BAHD1: variants seen among roughly 807,000 people sequenced by gnomAD.
BAHD1 encodes the protein bromo adjacent homology domain-containing 1 protein.
A neutral mutation model predicts 63.1 loss-of-function variants in BAHD1; 20 were observed. The observed-to-expected ratio is 0.32, with a 90% CI of 0.22 to 0.46. The LOEUF (loss-of-function observed/expected upper bound fraction) is 0.46, where lower values mean the gene tolerates loss of function less well. Ranked by LOEUF, BAHD1 falls within the 20% of genes least tolerant of loss-of-function variation. The pLI is 1.00. For missense variants in BAHD1, 939 were observed against 1,071.8 expected, an observed-to-expected ratio of 0.88 and a Z score of 1.73; for synonymous variants, 408 against 426.8, an observed-to-expected ratio of 0.96 and a Z score of 0.54.
chr15:40,439,265 C>T (rs949218304), upstream of BAHD1, among the ~76,000 whole-genome samples: 2 of 152,228 alleles, frequency 1.3e-5, no homozygotes, highest in Admixed American at 1.3e-4. Context: ...ACTTTCCCTG[C>T]TGAGGGGGCC....
At position 40,462,124 on chromosome 15, in the gene BAHD1, C is replaced by T. The variant is rs1362755556; in HGVS notation, c.1645C>T (p.Leu549=). 1 of 1,612,798 alleles carries T rather than the reference C, an allele frequency of 6.2e-7. No homozygotes were observed. Among genetic ancestry groups the T allele is most frequent in the Non-Finnish European group, 8.5e-7 (1 of 1,180,006 alleles). ...AKPPSGSKSG[L]RTGSSCRHTA... is the part of the protein sequence containing the mutation. The stretch of plus-strand genomic sequence containing the variant: ...ACCTCCCAGCGGTTCTAAGTCAGGT[C>T]TGCGCACAGGCTCCAGCTGCAGGCA... The change falls in exon 3 of 7, where the codon CTG becomes TTG. Residue 549 remains leucine, a synonymous_variant. Coordinates refer to ENST00000416165, the MANE Select transcript of BAHD1 (RefSeq NM_014952.5).
At chr15:40,443,423 T>C (rs1566957690) in intron 1 of BAHD1, 1 of 596,252 alleles carries the variant, frequency 1.7e-6, no homozygotes, top group Non-Finnish European at 2.1e-6. Context: ...AAGGCCTTTG[T>C]GCCTTCTGTG....
rs1448758515 is a variant in BAHD1 at position 40,466,341 on chromosome 15, C to G, written c.*211C>G. 2 of 469,328 alleles carry G rather than the reference C, an allele frequency of 4.3e-6. No individual in the cohort carries two copies. The highest frequency in any genetic ancestry group is 3.8e-5 in the Admixed American group (1 of 26,034). 29.1% of individuals were successfully genotyped at this position (469,328 alleles called of 1,614,324 possible). A position where few individuals can be genotyped will look rare whatever the true frequency, so the allele number is the denominator to read the frequency against. ...AGGGTATAAGAAAAGCATCAGAACT[C>G]TCAGCTTGGCCCAAGGTACCTTCTG... On this transcript the variant is annotated 3_prime_UTR_variant, in exon 7 of 7. Transcript: ENST00000416165.
At chr15:40,442,478 G>A (rs1321555418) in intron 1 of BAHD1, among the ~76,000 whole-genome samples, 4 of 152,190 alleles carry the variant, frequency 2.6e-5, no homozygotes, top group African/African-American at 9.7e-5. Flanking sequence ...TACTCACCGA[G>A]GCGACAGACC....
upstream of BAHD1, among the ~76,000 whole-genome samples, chr15:40,439,284 A>G: frequency 6.6e-6 from 1 of 152,042 alleles, no homozygotes; most frequent in South Asian, 2.1e-4. Flanking sequence ...CCCCTCCTTT[A>G]AGTGTGTCCC....
chr15:40,440,925 G>A (rs1037434871), upstream of BAHD1, among the ~76,000 whole-genome samples: 1 of 152,104 alleles, frequency 6.6e-6, no homozygotes, highest in African/African-American at 2.4e-5. Context: ...GAAGCAGGAA[G>A]GAGGGCGGCG....
At chr15:40,460,188 T>C (rs1311596325) in intron 2 of BAHD1, among the ~76,000 whole-genome samples, 1 of 152,232 alleles carries the variant, frequency 6.6e-6, no homozygotes, top group Non-Finnish European at 1.5e-5. Flanking sequence ...AAGGCCTCTC[T>C]TCTCTCCTCA....
upstream of BAHD1, among the ~76,000 whole-genome samples, chr15:40,438,219 A>T (rs1363901773): frequency 6.6e-6 from 1 of 152,130 alleles, no homozygotes; most frequent in Non-Finnish European, 1.5e-5. Flanking sequence ...AAGGAGGAAG[A>T]GGTGGAGCCC....
rs1566963946 is a variant in BAHD1, at chr15:40,459,644, T to G, written c.1180T>G (p.Ser394Ala). 2 of 1,614,132 alleles carry G rather than the reference T, an allele frequency of 1.2e-6. No individual in the cohort carries two copies. Among genetic ancestry groups the G allele is most frequent in the Non-Finnish European group, 1.7e-6 (2 of 1,180,012 alleles). ...AGAGGGGCTGCAGTGTGGGGGCTAC[T>G]CGCCCTGCCCCATGCTTCCTGAGGG... ...GQEGLQCGGY[S>A]PCPMLPEGKL... Residue 394 changes from serine (S) to alanine (A), a missense_variant, in exon 2 of 7, where the codon TCG (serine) becomes GCG (alanine). Ser to Ala is a moderately conservative substitution (Grantham distance 99). Around this residue, in one of 5 missense-constraint regions of BAHD1, gnomAD observed 797 missense variants for 813.3 expected, o/e 0.98. Coordinates refer to ENST00000416165, the MANE Select transcript of BAHD1 (RefSeq NM_014952.5).
In BAHD1 at chr15:40,466,390, C is replaced by T. The variant is rs939220275; in HGVS notation, c.*260C>T. The T allele has an allele frequency of 2.0e-5, 5 of 254,932 alleles. No homozygotes were observed. Among genetic ancestry groups the T allele is most frequent in the Non-Finnish European group, 3.6e-5 (5 of 139,548 alleles). 15.8% of individuals were successfully genotyped at this position (254,932 alleles called of 1,614,324 possible). Reference sequence around the variant, plus strand: ...TGTGGTTCCCCTGGGTGGAGATTTCCGAAAAGTAGTCTTCTCTGAGGCTGG... The same window carrying T: ...TGTGGTTCCCCTGGGTGGAGATTTCTGAAAAGTAGTCTTCTCTGAGGCTGG... On this transcript the variant is annotated 3_prime_UTR_variant, in exon 7 of 7. Transcript: ENST00000416165.
intron 6 of BAHD1, 97 bp from the exon 7 acceptor site, chr15:40,465,844 G>T: frequency 7.8e-7 from 1 of 1,280,734 alleles, no homozygotes; most frequent in Non-Finnish European, 1.1e-6. Context: ...AGCTAGGATA[G>T]CCTAGCTCTC....
At chr15:40,448,363 G>C (rs1893605269) in intron 1 of BAHD1, among the ~76,000 whole-genome samples, 1 of 152,122 alleles carries the variant, frequency 6.6e-6, no homozygotes, top group South Asian at 2.1e-4. Flanking sequence ...CTAATAATGT[G>C]TGGTAATGCC....
upstream of BAHD1, among the ~76,000 whole-genome samples, chr15:40,438,836 A>G (rs1893328450): frequency 6.6e-6 from 1 of 152,146 alleles, no homozygotes; most frequent in Admixed American, 6.5e-5. Context: ...GCCCATTATC[A>G]GGCCTGAAGT....
chr15:40,460,538 C>G (rs746364424), intron 2 of BAHD1, among the ~76,000 whole-genome samples: 1 of 152,164 alleles, frequency 6.6e-6, no homozygotes, highest in Non-Finnish European at 1.5e-5. Flanking sequence ...GGATGGAATG[C>G]GATCAGGGCC....
intron 1 of BAHD1, among the ~76,000 whole-genome samples, chr15:40,457,444 C>A (rs534045627): frequency 6.6e-6 from 1 of 152,158 alleles, no homozygotes; most frequent in East Asian, 1.9e-4. Flanking sequence ...CACCATGGGC[C>A]CCTCAAAGCT....
intron 1 of BAHD1, among the ~76,000 whole-genome samples, chr15:40,452,081 C>T (rs919997622): frequency 6.6e-6 from 1 of 152,218 alleles, no homozygotes; most frequent in Non-Finnish European, 1.5e-5. Flanking sequence ...GTCCTCAGCC[C>T]CTGCCACCAG....
At chr15:40,450,534 T>C (rs917127014) in intron 1 of BAHD1, among the ~76,000 whole-genome samples, 3 of 152,240 alleles carry the variant, frequency 2.0e-5, no homozygotes, top group Non-Finnish European at 2.9e-5. Flanking sequence ...TTTTGAAGAA[T>C]GGTGCATCAG....
intron 6 of BAHD1, among the ~76,000 whole-genome samples, 172 bp downstream of exon 6, chr15:40,465,607 A>C (rs534713455): frequency 6.6e-6 from 1 of 152,280 alleles, no homozygotes; most frequent in African/African-American, 2.4e-5. Flanking sequence ...ACCATCTGAT[A>C]TTTTTTGGAA....
intron 2 of BAHD1, among the ~76,000 whole-genome samples, chr15:40,460,606 C>T (rs768347766): frequency 6.6e-6 from 1 of 152,154 alleles, no homozygotes; most frequent in Non-Finnish European, 1.5e-5. Flanking sequence ...GCCCATGCTC[C>T]GGCTGTTGAG....
Sources: gnomAD v4.1 joint callset for allele counts (sites outside exome capture counted in the v4.1 genomes callset) on GRCh38, gnomAD v4.1.1 for gene constraint, gnomAD v4.1.1 regional missense constraint, MANE v1.5 for transcripts, NCBI Gene and HGNC (gene_info 2026-07-23, HGNC 2026-07-21) for gene names.